The following RGS6 variants were observed in gnomAD, a reference collection of about 807,000 sequenced individuals.
RGS6 encodes regulator of G protein signaling 6.
Under a neutral mutation model 78.5 loss-of-function variants are expected in RGS6, and 30 were observed. That is an observed-to-expected ratio of 0.38 (90% CI 0.29 to 0.52). The LOEUF is 0.52. Among genes scored for constraint, RGS6 ranks in the 20% least tolerant of loss-of-function variants. RGS6 has a pLI of 0.85. For synonymous variants in RGS6, 206 were observed against 206.0 expected (o/e 1.00, Z 0.00); for missense variants, 495 against 609.7 (o/e 0.81, Z 1.98).
At chr14:72,405,895 G>A (rs551664797) in intron 3 of RGS6, among the ~76,000 whole-genome samples, 10 of 152,294 alleles carry the variant, frequency 6.6e-5, no homozygotes, top group African/African-American at 9.6e-5. Context: ...AGATTGGAAC[G>A]CTGTATTGGT....
chr14:72,453,121 CTG>C (rs888454584), intron 3 of RGS6, among the ~76,000 whole-genome samples: 1 of 152,082 alleles, frequency 6.6e-6, no homozygotes, highest in Non-Finnish European at 1.5e-5. Context: ...AATGGCAAAA[CTG>C]AGGCCAAAGG....
At chr14:72,047,897 TG>T (rs1454924668) in intron 2 of RGS6, among the ~76,000 whole-genome samples, 11,594 of 39,464 alleles carry the variant, frequency 0.29, 940 homozygotes, top group East Asian at 0.36. Flanking sequence ...AGCTAATTTT[TG>T]TTTTTTTTTT....
chr14:72,014,712 A>G (rs745700743), intron 2 of RGS6, among the ~76,000 whole-genome samples: 1 of 152,240 alleles, frequency 6.6e-6, no homozygotes, highest in Non-Finnish European at 1.5e-5. Context: ...CCCAGCATGG[A>G]TGTTAAACAG....
At chr14:72,599,535 A>G in the RGS6 span, among the ~76,000 whole-genome samples, 1 of 140,108 alleles carries the variant, frequency 7.1e-6, no homozygotes, top group South Asian at 2.2e-4. Flanking sequence ...CAACCTCCCG[A>G]GTAGCTGGGA....
intron 2 of RGS6, among the ~76,000 whole-genome samples, chr14:72,011,878 A>C (rs2085824455): frequency 1.3e-5 from 2 of 152,154 alleles, no homozygotes; most frequent in Admixed American, 6.5e-5. Context: ...ATTGTTTCTC[A>C]GGGTTTGTGG....
Position 72,407,056 on chromosome 14 carries a change from G to A in RGS6, c.185-47472G>A, listed in dbSNP as rs77799625. ...ATGTACAATTTTCTTTAGTTACATT[G>A]ATGTTGTTACATACTGTTCATAATT... On this transcript the variant is annotated intron_variant, in intron 3 of 17. Transcript: ENST00000553525. Among the ~76,000 whole-genome samples the A allele has an allele frequency of 6.7e-3, 1,022 of 152,302 alleles. 14 individuals carry two copies. The highest frequency in any genetic ancestry group is 0.023 in the African/African-American group (958 of 41,566).
At chr14:72,010,674 T>C (rs2085486508) in intron 2 of RGS6, among the ~76,000 whole-genome samples, 1 of 152,194 alleles carries the variant, frequency 6.6e-6, no homozygotes, top group African/African-American at 2.4e-5. Flanking sequence ...TCACTCATGC[T>C]AAAGTTCCAT....
chr14:72,333,400 G>A (rs2075427471), intron 2 of RGS6, among the ~76,000 whole-genome samples: 1 of 152,198 alleles, frequency 6.6e-6, no homozygotes, highest in Non-Finnish European at 1.5e-5. Context: ...TGGGGGACCT[G>A]CGTTGGTATC....
intron 2 of RGS6, among the ~76,000 whole-genome samples, chr14:72,265,696 T>A (rs1255368614): frequency 6.6e-6 from 1 of 152,082 alleles, no homozygotes; most frequent in Non-Finnish European, 1.5e-5. Flanking sequence ...GCTCTCCTTG[T>A]TAAGAGTCTC....
chr14:72,461,198 C>G lies in RGS6; in HGVS notation c.394+1515C>G, dbSNP rs191246287. The stretch of plus-strand genomic sequence containing the variant: ...ACTCAGAATTTGAATAATTATAGCT[C>G]AGTTCCATGCAGCAACGTGTGCCCT... On this transcript the variant is annotated intron_variant, in intron 6 of 17. Coordinates refer to ENST00000553525, the MANE Select transcript of RGS6 (RefSeq NM_001204424.2). Among the ~76,000 whole-genome samples, 12 of 152,334 alleles carry G rather than the reference C, an allele frequency of 7.9e-5. No homozygotes were observed. The East Asian group carries it at 2.1e-3, about 27-fold the overall frequency.
chr14:72,470,879 C>CAA (rs34084675), intron 8 of RGS6, among the ~76,000 whole-genome samples: 13 of 112,516 alleles, frequency 1.2e-4, no homozygotes, highest in South Asian at 3.0e-4. Flanking sequence ...AACTCCCTCT[C>CAA]AAAAAAAAAA....
At chr14:72,390,932 G>A (rs1342683914) in intron 3 of RGS6, among the ~76,000 whole-genome samples, 1 of 152,136 alleles carries the variant, frequency 6.6e-6, no homozygotes, top group Non-Finnish European at 1.5e-5. Context: ...CTTCCTTTTG[G>A]AGCCACAGGT....
At chr14:72,548,327 TTGTGTGTGTGTG>T in intron 17 of RGS6, among the ~76,000 whole-genome samples, 1 of 147,264 alleles carries the variant, frequency 6.8e-6, no homozygotes, top group African/African-American at 2.5e-5. Flanking sequence ...CAGATCATAT[TTGTGTGTGTGTG>T]TGTGCGCGCG....
intron 2 of RGS6, among the ~76,000 whole-genome samples, chr14:72,239,132 G>C (rs1600201526): frequency 6.6e-6 from 1 of 152,316 alleles, no homozygotes; most frequent in Non-Finnish European, 1.5e-5. Flanking sequence ...GTGAGCACCT[G>C]AAGGTCAAGA....
the RGS6 span, among the ~76,000 whole-genome samples, chr14:72,603,242 AT>A: frequency 6.6e-6 from 1 of 152,208 alleles, no homozygotes; most frequent in Non-Finnish European, 1.5e-5. Flanking sequence ...CTTAGAATAA[AT>A]CATGATTAAT....
At chr14:72,625,149 A>G in the RGS6 span, among the ~76,000 whole-genome samples, 19 of 152,246 alleles carry the variant, frequency 1.2e-4, no homozygotes, top group African/African-American at 4.3e-4. Context: ...TTTAGCATCA[A>G]TTGACAGTTC....
intron 2 of RGS6, among the ~76,000 whole-genome samples, chr14:72,008,045 A>C (rs1178929585): frequency 6.6e-6 from 1 of 152,218 alleles, no homozygotes; most frequent in Non-Finnish European, 1.5e-5. Context: ...CAAGATTTCA[A>C]AGGGTGAGAC....
intron 2 of RGS6, among the ~76,000 whole-genome samples, chr14:72,142,398 A>G (rs2096552561): frequency 6.6e-6 from 1 of 152,052 alleles, no homozygotes; most frequent in South Asian, 2.1e-4. Context: ...ATAAATGAAA[A>G]CTTTTCAGTG....
At chr14:72,626,664 T>C in the RGS6 span, among the ~76,000 whole-genome samples, 1 of 152,160 alleles carries the variant, frequency 6.6e-6, no homozygotes, top group Non-Finnish European at 1.5e-5. Context: ...CATTCCATCA[T>C]GTTGCAGGTA....
Sources: gnomAD v4.1 joint callset for allele counts (sites outside exome capture counted in the v4.1 genomes callset) on GRCh38, gnomAD v4.1.1 for gene constraint, MANE v1.5 for transcripts, NCBI Gene and HGNC (gene_info 2026-07-23, HGNC 2026-07-21) for gene names.